The following DNAJB1 variants were observed in gnomAD, a reference collection of about 807,000 sequenced individuals.
The protein encoded by DNAJB1 is DnaJ heat shock protein family (Hsp40) member B1.
Under a neutral mutation model 24.0 loss-of-function variants are expected in DNAJB1, and 14 were observed. The ratio of observed to expected loss-of-function variants is 0.58; its 90% CI spans 0.39 to 0.91. The LOEUF (loss-of-function observed/expected upper bound fraction) is 0.91, where lower values mean the gene tolerates loss of function less well. Among genes scored for constraint, DNAJB1 ranks in the 40% least tolerant of loss-of-function variants. The pLI is 0.00. For synonymous variants in DNAJB1, 262 were observed against 174.4 expected (o/e 1.50, Z -3.96); for missense variants, 517 against 458.1 (o/e 1.13, Z -1.17).
At chr19:14,546,740 C>T (rs545527339) in intron 1 of DNAJB1, among the ~76,000 whole-genome samples, 51 of 151,990 alleles carry the variant, frequency 3.4e-4, no homozygotes, top group African/African-American at 3.4e-4. Flanking sequence ...GCTGGAGTGC[C>T]GTGTCGCGAT....
At chr19:14,527,316 T>C (rs2072445920) in intron 2 of DNAJB1, 1 of 151,584 alleles carries the variant, frequency 6.6e-6, no homozygotes, top group Non-Finnish European at 1.5e-5. Flanking sequence ...TGAGTAGCTG[T>C]GATTACAGGT....
chr19:14,560,275 G>A (rs1007506310), upstream of DNAJB1, among the ~76,000 whole-genome samples: 7 of 152,214 alleles, frequency 4.6e-5, no homozygotes, highest in African/African-American at 1.7e-4. Flanking sequence ...ACAGGGAGAG[G>A]GGCTGGTTGT....
Position 14,517,026 on chromosome 19 carries a change from TG to T in DNAJB1, c.231del (p.Ser78ValfsTer67). ...TTGGCACCACCGCCGCTACCGCCACTGGGGCCACTCCCCTTTAGGCCTGAAA... is the reference window on the plus strand; with the variant it reads ...TTGGCACCACCGCCGCTACCGCCACTGGGCCACTCCCCTTTAGGCCTGAAA... Reference protein sequence around the residue: ...YGEEGLKGSGPSGGSGGGANG... With the variant: ...YGEEGLKGSGXSGGSGGGANG... On this transcript the variant is annotated frameshift_variant, in exon 2 of 3. Coordinates refer to ENST00000254322, the MANE Select transcript of DNAJB1 (RefSeq NM_006145.3). LOFTEE classifies it high-confidence loss of function. 1 of 1,610,432 alleles carries T rather than the reference TG, an allele frequency of 6.2e-7. No homozygotes were observed.
At chr19:14,522,308 A>G (rs1203016894), upstream of DNAJB1, among the ~76,000 whole-genome samples, 1 of 151,904 alleles carries the variant, frequency 6.6e-6, no homozygotes, top group Non-Finnish European at 1.5e-5. Context: ...TCATCCAATC[A>G]GTCTAGAGAC....
chr19:14,542,687 C>T (rs1408029681), intron 1 of DNAJB1, among the ~76,000 whole-genome samples: 2 of 152,096 alleles, frequency 1.3e-5, no homozygotes, highest in Non-Finnish European at 2.9e-5. Flanking sequence ...AATAAAAATG[C>T]ACAGAGCATT....
upstream of DNAJB1, among the ~76,000 whole-genome samples, chr19:14,555,092 T>TC (rs1267402542): frequency 6.6e-6 from 1 of 151,602 alleles, no homozygotes; most frequent in Admixed American, 6.6e-5. Flanking sequence ...TTTTTTTTTT[T>TC]GAGACAGGGT....
chr19:14,550,231 G>A (rs1046887389), exon 1 of DNAJB1, among the ~76,000 whole-genome samples: 9 of 152,084 alleles, frequency 5.9e-5, no homozygotes, highest in African/African-American at 2.2e-4. Context: ...TGAATACATT[G>A]TAAAGGAGAT....
At chr19:14,526,261 T>C (rs1293608164) in intron 2 of DNAJB1, among the ~76,000 whole-genome samples, 1 of 152,218 alleles carries the variant, frequency 6.6e-6, no homozygotes, top group Non-Finnish European at 1.5e-5. Flanking sequence ...CCAGTCACCA[T>C]TGTGAATCAG....
intron 1 of DNAJB1, chr19:14,544,997 C>G: frequency 2.3e-6 from 1 of 431,026 alleles, no homozygotes; most frequent in South Asian, 1.6e-5. Context: ...TTCACTCCTT[C>G]CCTTCTCTGT....
At chr19:14,530,437 C>A (rs913275774), upstream of DNAJB1, 1 of 152,196 alleles carries the variant, frequency 6.6e-6, no homozygotes, top group East Asian at 1.9e-4. Context: ...AACCAATTAT[C>A]CCTGAATTAT....
intron 1 of DNAJB1, among the ~76,000 whole-genome samples, chr19:14,539,993 C>A (rs989721185): frequency 6.6e-6 from 1 of 152,044 alleles, no homozygotes; most frequent in South Asian, 2.1e-4. Flanking sequence ...GATTCTCCTG[C>A]CTCAGCCTCC....
Position 14,515,923 on chromosome 19 carries a change from T to C in DNAJB1, c.*17A>G, listed in dbSNP as rs749848780. On this transcript the variant is annotated 3_prime_UTR_variant, in exon 3 of 3. Coordinates refer to ENST00000254322, the MANE Select transcript of DNAJB1 (RefSeq NM_006145.3). ...CTCTGGAAAGGTCCCTGGTCAGTCC[T>C]TGGGGAGCTCAGATAGCTATATTGG... is the stretch of plus-strand genomic sequence containing the variant. 2.5e-6 allele frequency: 4 copies of C among 1,606,200 alleles called. No individual in the cohort carries two copies. The highest frequency in any genetic ancestry group is 3.4e-6 in the Non-Finnish European group (4 of 1,177,640).
intron 1 of DNAJB1, among the ~76,000 whole-genome samples, chr19:14,543,383 C>G (rs1266487498): frequency 1.1e-5 from 1 of 93,808 alleles, no homozygotes; most frequent in African/African-American, 4.0e-5. Flanking sequence ...CTACTTGTTT[C>G]AGAGAATATA....
upstream of DNAJB1, chr19:14,532,000 C>A (rs2072685564): frequency 7.2e-6 from 1 of 139,048 alleles, no homozygotes; most frequent in African/African-American, 2.8e-5. Context: ...AACAGAGACC[C>A]TGTTTGAAGA....
At chr19:14,536,588 C>T (rs1026830243) in intron 1 of DNAJB1, 15 of 152,102 alleles carry the variant, frequency 9.9e-5, no homozygotes, top group Non-Finnish European at 1.9e-4. Context: ...GCTTTTTAAT[C>T]CATAAAATGA....
In DNAJB1 at chr19:14,518,371, G is replaced by C. The variant is rs371319608; in HGVS notation, c.-22C>G. 2.0e-6 allele frequency: 3 copies of C among 1,531,268 alleles called. No individual in the cohort carries two copies. The highest frequency in any genetic ancestry group is 1.2e-5 in the South Asian group (1 of 80,968). The allele number at this position is 1,531,268 out of a possible 1,614,324, so 94.9% of individuals were successfully genotyped here. On this transcript the variant is annotated 5_prime_UTR_variant, in exon 1 of 3. Transcript: ENST00000254322. ...CCATGACCCCCTCCTGCGGCCCGCC[G>C]ACCCGCTGTCGCCGTCCCCCGGCTC... is the stretch of plus-strand genomic sequence containing the variant.
chr19:14,528,778 T>TAA (rs568467752), intron 1 of DNAJB1, among the ~76,000 whole-genome samples: 4 of 151,270 alleles, frequency 2.6e-5, no homozygotes, highest in Admixed American at 2.0e-4. Context: ...CCGTCTCTAC[T>TAA]AAAAAAAATA....
chr19:14,518,427 C>A (rs1267349312), upstream of DNAJB1: 4 of 1,231,578 alleles, frequency 3.2e-6, no homozygotes, highest in Non-Finnish European at 4.2e-6. Context: ...CTCTATATAC[C>A]CGTCCGGCGG....
At chr19:14,519,183 C>T (rs1462865770), upstream of DNAJB1, among the ~76,000 whole-genome samples, 3 of 152,136 alleles carry the variant, frequency 2.0e-5, no homozygotes, top group Non-Finnish European at 4.4e-5. Context: ...GCCTGGCCAA[C>T]ATGGTGAAAC....
Sources: allele counts gnomAD v4.1 joint callset (sites outside exome capture counted in the v4.1 genomes callset), GRCh38; gene constraint gnomAD v4.1.1; transcripts MANE v1.5; gene names NCBI Gene and HGNC (gene_info 2026-07-23, HGNC 2026-07-21).